The following ABAT variants were observed in gnomAD, a reference collection of about 807,000 sequenced individuals.
ABAT encodes 4-aminobutyrate aminotransferase, mitochondrial.
Under a neutral mutation model 64.6 loss-of-function variants are expected in ABAT, and 45 were observed. The ratio of observed to expected loss-of-function variants is 0.70; its 90% CI spans 0.55 to 0.89. The LOEUF is 0.89. Among genes scored for constraint, ABAT ranks in the 40% least tolerant of loss-of-function variants. ABAT has a pLI of 0.00. For synonymous variants in ABAT, 297 were observed against 250.5 expected, an observed-to-expected ratio of 1.19 and a Z score of -1.75; for missense variants, 633 against 658.4, an observed-to-expected ratio of 0.96 and a Z score of 0.42.
intron 2 of ABAT, among the ~76,000 whole-genome samples, chr16:8,743,442 T>TACAC (rs1228238918): frequency 5.9e-5 from 5 of 85,082 alleles, no homozygotes; most frequent in East Asian, 6.4e-4. Flanking sequence ...TATATATATA[T>TACAC]ATACACACAT....
rs772511380 is a variant in ABAT at position 8,738,616 on chromosome 16, G to GTTT, written c.70+2810_70+2812dup. 1.3e-3 allele frequency among the ~76,000 whole-genome samples: 149 copies of GTTT among 117,618 alleles called. 8 individuals are homozygous for GTTT. In the East Asian group the frequency reaches 0.028, roughly 22 times the overall value. 77.2% of individuals were successfully genotyped at this position (117,618 alleles called of 152,430 possible). ...TTTTTTCTTTTTTGTTTTTGTTTTT[G>GTTT]TTTTTGTTTTTGTTTTTTTTTTGGT... On this transcript the variant is annotated intron_variant, in intron 2 of 15. Coordinates refer to ENST00000268251, the MANE Select transcript of ABAT (RefSeq NM_020686.6).
chr16:8,729,874 A>T (rs1220472202), intron 1 of ABAT, among the ~76,000 whole-genome samples: 4 of 148,992 alleles, frequency 2.7e-5, no homozygotes, highest in Non-Finnish European at 5.9e-5. Flanking sequence ...GGATCATCTC[A>T]GTGGGTAGAG....
At chr16:8,775,479 C>A (rs2060240523) in intron 13 of ABAT, among the ~76,000 whole-genome samples, 1 of 152,136 alleles carries the variant, frequency 6.6e-6, no homozygotes, top group Non-Finnish European at 1.5e-5. Flanking sequence ...GGTCACACAG[C>A]CTGTTAAGTG....
Position 8,776,330 on chromosome 16 carries a change from G to C in ABAT, c.1123-14G>C. ...ATGTGTGTGAAGCCTTCCAACACCC[G>C]TTCCTCATTCCAGCCCTACCGGATC... On this transcript the variant is annotated splice_polypyrimidine_tract_variant and intron_variant, in intron 13 of 15. Coordinates refer to ENST00000268251, the MANE Select transcript of ABAT (RefSeq NM_020686.6). This position sits in a 1 kb window ranked among gnomAD's most constrained non-coding sequence, Gnocchi z 4.4. The C allele has an allele frequency of 6.2e-7, 1 of 1,614,114 alleles. No homozygotes were observed. The highest frequency in any genetic ancestry group is 1.3e-5 in the African/African-American group (1 of 75,038).
rs548945558 is a variant in ABAT at position 8,781,969 on chromosome 16, C to T, written c.*539C>T. On this transcript the variant is annotated 3_prime_UTR_variant, in exon 16 of 16. Coordinates refer to ENST00000268251, the MANE Select transcript of ABAT (RefSeq NM_020686.6). This position sits in a 1 kb window ranked among gnomAD's most constrained non-coding sequence, Gnocchi z 4.5. Reference sequence around the variant, plus strand: ...GGGACTGGACAGATCTGAGGAAGGCCGTAAAATGGGGACAGGAGGATTCAG... The same window carrying T: ...GGGACTGGACAGATCTGAGGAAGGCTGTAAAATGGGGACAGGAGGATTCAG... 3.2e-4 allele frequency: 59 copies of T among 184,720 alleles called. 1 individual carries two copies. In the South Asian group the frequency reaches 6.1e-3, roughly 19 times the overall value. 11.4% of individuals were successfully genotyped at this position (184,720 alleles called of 1,614,324 possible). A position where few individuals can be genotyped will look rare whatever the true frequency, so the allele number is the denominator to read the frequency against.
In ABAT at chr16:8,770,204, C is replaced by T. The variant is rs188363521; in HGVS notation, c.816+1231C>T. The stretch of plus-strand genomic sequence containing the variant: ...CCAGGCTGGAGTGCAGTGGCGCGAT[C>T]TCAGCTCACTGCAAGCTCCGCCTCC... On this transcript the variant is annotated intron_variant, in intron 11 of 15. Transcript: ENST00000268251. Among the ~76,000 whole-genome samples the T allele has an allele frequency of 2.3e-3, 348 of 152,274 alleles. 1 individual carries two copies. The highest frequency in any genetic ancestry group is 7.9e-3 in the African/African-American group (330 of 41,554).
intron 1 of ABAT, among the ~76,000 whole-genome samples, chr16:8,675,379 G>T (rs111669189): frequency 4.7e-4 from 71 of 152,104 alleles, no homozygotes; most frequent in African/African-American, 1.6e-3. Context: ...GATGTAAAAT[G>T]AGGGACCTTC....
At chr16:8,724,710 T>C (rs887223603) in intron 1 of ABAT, among the ~76,000 whole-genome samples, 2 of 111,258 alleles carry the variant, frequency 1.8e-5, no homozygotes, top group African/African-American at 3.5e-5. Flanking sequence ...GCTTGGGCAA[T>C]AGAGCCAGAC....
intron 2 of ABAT, among the ~76,000 whole-genome samples, chr16:8,743,237 T>C (rs1459650023): frequency 6.6e-6 from 1 of 151,160 alleles, no homozygotes; most frequent in Non-Finnish European, 1.5e-5. Context: ...AAAGCAATTA[T>C]GGAAAATTAA....
Position 8,707,375 on chromosome 16 carries a change from G to T in ABAT, c.-41-28324G>T, listed in dbSNP as rs138048740. Among the ~76,000 whole-genome samples the T allele has an allele frequency of 4.0e-3, 358 of 90,026 alleles. 2 individuals carry two copies. The highest frequency in any genetic ancestry group is 0.019 in the African/African-American group (338 of 17,990). 59.1% of individuals were successfully genotyped at this position (90,026 alleles called of 152,430 possible). On this transcript the variant is annotated intron_variant, in intron 1 of 15. Transcript: ENST00000268251. ...GTAATTTTTTTTTTTTTTTTTAGCG[G>T]AGACAGGGTTTCACTATGTTGCCCA...
intron 11 of ABAT, among the ~76,000 whole-genome samples, chr16:8,770,704 T>C (rs536001274): frequency 6.7e-4 from 99 of 148,628 alleles, no homozygotes; most frequent in African/African-American, 2.3e-3. Flanking sequence ...GCTTCCCAAA[T>C]TGCTGGGATT....
chr16:8,693,143 C>A (rs145425549), intron 1 of ABAT, among the ~76,000 whole-genome samples: 1 of 152,220 alleles, frequency 6.6e-6, no homozygotes, highest in Non-Finnish European at 1.5e-5. Flanking sequence ...GCTTGAGCCA[C>A]AATGCCCAGC....
intron 1 of ABAT, among the ~76,000 whole-genome samples, chr16:8,733,759 G>C (rs1170275071): frequency 6.7e-6 from 1 of 149,118 alleles, no homozygotes; most frequent in Non-Finnish European, 1.5e-5. Context: ...GCAGTGAGCC[G>C]AGATGGCAGC....
intron 2 of ABAT, chr16:8,736,994 C>T (rs1485605424): frequency 1.3e-5 from 2 of 152,492 alleles, no homozygotes; most frequent in South Asian, 2.1e-4. Flanking sequence ...TCCAGCCTGT[C>T]CCCAGCTCTC....
At chr16:8,731,918 A>C (rs2058732357) in intron 1 of ABAT, among the ~76,000 whole-genome samples, 1 of 151,842 alleles carries the variant, frequency 6.6e-6, no homozygotes, top group African/African-American at 2.4e-5. Context: ...CAGTGGTGCG[A>C]TCTCAGCTCA....
At chr16:8,758,889 G>A (rs764320244) in intron 6 of ABAT, among the ~76,000 whole-genome samples, 9 of 152,098 alleles carry the variant, frequency 5.9e-5, no homozygotes, top group Admixed American at 3.3e-4. Flanking sequence ...CTTGAGGGAG[G>A]TCAGGAGTTC....
chr16:8,676,833 C>T (rs1054440654), intron 1 of ABAT, among the ~76,000 whole-genome samples: 1 of 152,222 alleles, frequency 6.6e-6, no homozygotes, highest in Non-Finnish European at 1.5e-5. Flanking sequence ...GAGTTCCCTG[C>T]ACATTGTCTC....
chr16:8,723,082 A>G (rs1027799196), intron 1 of ABAT, among the ~76,000 whole-genome samples: 1 of 151,996 alleles, frequency 6.6e-6, no homozygotes, highest in African/African-American at 2.4e-5. Flanking sequence ...AACATACAAA[A>G]ATTAGCCAGG....
intron 1 of ABAT, among the ~76,000 whole-genome samples, chr16:8,679,881 T>G (rs2057292704): frequency 6.6e-6 from 1 of 152,046 alleles, no homozygotes. Context: ...GTGCTATAGC[T>G]CTTCCTCCCT....
Sources: gnomAD v4.1 joint callset for allele counts (sites outside exome capture counted in the v4.1 genomes callset) on GRCh38, gnomAD v4.1.1 for gene constraint, Gnocchi (gnomAD v3.1) non-coding constraint, MANE v1.5 for transcripts, NCBI Gene and HGNC (gene_info 2026-07-23, HGNC 2026-07-21) for gene names.